The following MGAT4C variants were observed in gnomAD, a reference collection of about 807,000 sequenced individuals.
MGAT4C encodes MGAT4 family member C.
MGAT4C carries 19 observed loss-of-function variants against 40.1 expected under a neutral mutation model. The observed-to-expected ratio is 0.47, with a 90% CI of 0.33 to 0.70. MGAT4C has a LOEUF of 0.70. Among genes scored for constraint, MGAT4C ranks in the 30% least tolerant of loss-of-function variants. MGAT4C has a pLI of 0.02. For synonymous variants in MGAT4C, 181 were observed against 187.1 expected, an observed-to-expected ratio of 0.97 and a Z score of 0.27; for missense variants, 491 against 563.2, an observed-to-expected ratio of 0.87 and a Z score of 1.30.
At chr12:86,685,449 T>C (rs905078661) in intron 2 of MGAT4C, among the ~76,000 whole-genome samples, 1 of 152,208 alleles carries the variant, frequency 6.6e-6, no homozygotes. Context: ...CCTTGTAGTA[T>C]AGTTTGAAGT....
chr12:86,464,628 A>G (rs1045066292), intron 2 of MGAT4C, among the ~76,000 whole-genome samples: 3 of 152,130 alleles, frequency 2.0e-5, no homozygotes, highest in African/African-American at 7.2e-5. Flanking sequence ...AATTTACTTG[A>G]GTGCAATAAC....
intron 1 of MGAT4C, among the ~76,000 whole-genome samples, chr12:86,087,385 T>C (rs1488825947): frequency 1.3e-5 from 2 of 152,128 alleles, no homozygotes; most frequent in Non-Finnish European, 2.9e-5. Flanking sequence ...GTTCAATACA[T>C]TCTAATGCTT....
At chr12:86,024,009 TTAAC>T (rs149421349) in intron 2 of MGAT4C, among the ~76,000 whole-genome samples, 4,316 of 151,952 alleles carry the variant, frequency 0.028, 74 homozygotes, top group Middle Eastern at 0.048. Flanking sequence ...ATGTAAAACT[TTAAC>T]TATGAAAAAA....
At chr12:86,655,890 G>A (rs1963836434) in intron 2 of MGAT4C, among the ~76,000 whole-genome samples, 1 of 152,048 alleles carries the variant, frequency 6.6e-6, no homozygotes, top group Non-Finnish European at 1.5e-5. Flanking sequence ...GCTCACACGA[G>A]GAGGGTTGAA....
At position 86,781,176 on chromosome 12, in the gene MGAT4C, G is replaced by A. The variant is rs190282236; in HGVS notation, c.-261-53935C>T. Among the ~76,000 whole-genome samples, 7 of 152,226 alleles carry A rather than the reference G, an allele frequency of 4.6e-5. No homozygotes were observed. The East Asian group carries it at 1.4e-3, about 29-fold the overall frequency. On this transcript the variant is annotated intron_variant, in intron 1 of 7. Coordinates refer to the MGAT4C transcript ENST00000548651. ...TGATTTTACACTGGTTAGATTCCCA[G>A]TAGTGGGATTGCTGGATCAAATGGT...
chr12:86,102,514 T>A (rs1326384093), intron 1 of MGAT4C, among the ~76,000 whole-genome samples: 1 of 152,084 alleles, frequency 6.6e-6, no homozygotes, highest in African/African-American at 2.4e-5. Flanking sequence ...ATGAATGGAA[T>A]ATGGCACTAA....
At chr12:86,593,224 G>A (rs1032711871) in intron 2 of MGAT4C, among the ~76,000 whole-genome samples, 2 of 151,558 alleles carry the variant, frequency 1.3e-5, no homozygotes, top group Admixed American at 6.6e-5. Flanking sequence ...GAAGTTCAGA[G>A]CAATGTCCCT....
At chr12:86,044,387 A>T (rs557465811) in intron 2 of MGAT4C, among the ~76,000 whole-genome samples, 2 of 152,210 alleles carry the variant, frequency 1.3e-5, no homozygotes, top group East Asian at 3.9e-4. Context: ...GGTGGGTTAC[A>T]TGTTCATTGG....
chr12:86,385,078 G>T (rs749968266), intron 3 of MGAT4C, among the ~76,000 whole-genome samples: 4 of 152,268 alleles, frequency 2.6e-5, no homozygotes, highest in East Asian at 1.9e-4. Context: ...CTAAAAAAAT[G>T]ATTGAACTCA....
At chr12:86,084,076 C>A (rs1320554123) in intron 1 of MGAT4C, among the ~76,000 whole-genome samples, 1 of 152,010 alleles carries the variant, frequency 6.6e-6, no homozygotes, top group Non-Finnish European at 1.5e-5. Flanking sequence ...TATTTCTGAG[C>A]ATCAACTATT....
chr12:86,352,216 A>C (rs1955177823), intron 3 of MGAT4C, among the ~76,000 whole-genome samples: 1 of 152,112 alleles, frequency 6.6e-6, no homozygotes, highest in African/African-American at 2.4e-5. Flanking sequence ...ATAATGTCTT[A>C]TTTAACTTGA....
chr12:86,285,456 A>G (rs979364483), intron 4 of MGAT4C, among the ~76,000 whole-genome samples: 1 of 152,130 alleles, frequency 6.6e-6, no homozygotes, highest in African/African-American at 2.4e-5. Flanking sequence ...CAACATACAC[A>G]CAAAATGCAA....
chr12:86,455,949 C>G (rs1380913801), intron 2 of MGAT4C, among the ~76,000 whole-genome samples: 1 of 151,984 alleles, frequency 6.6e-6, no homozygotes, highest in East Asian at 1.9e-4. Context: ...ATTACTTGAA[C>G]TGATAAATCT....
rs902227296 is a variant in MGAT4C, at chr12:86,163,581, A to AT, written c.-57+92657dup. Among the ~76,000 whole-genome samples, 110 of 151,752 alleles carry AT rather than the reference A, an allele frequency of 7.2e-4. 1 individual carries two copies. Among genetic ancestry groups the AT allele is most frequent in the African/African-American group, 1.5e-3 (62 of 41,428 alleles). Reference sequence around the variant, plus strand: ...TGATCCTTTGACTAGAACATAACAGATTTTTTTTTGTTGAAGTATTGAATA... The same window carrying AT: ...TGATCCTTTGACTAGAACATAACAGATTTTTTTTTTGTTGAAGTATTGAATA... On this transcript the variant is annotated intron_variant, in intron 1 of 4. Coordinates refer to ENST00000611864, the MANE Select transcript of MGAT4C (RefSeq NM_001351288.2).
intron 2 of MGAT4C, among the ~76,000 whole-genome samples, chr12:86,036,928 T>G (rs892460049): frequency 6.7e-6 from 1 of 149,924 alleles, no homozygotes; most frequent in African/African-American, 2.4e-5. Flanking sequence ...GGTCCTGGAC[T>G]TTTTTTGGTT....
At chr12:86,594,343 T>C (rs1961448091) in intron 2 of MGAT4C, among the ~76,000 whole-genome samples, 1 of 152,120 alleles carries the variant, frequency 6.6e-6, no homozygotes, top group Admixed American at 6.6e-5. Flanking sequence ...AATTTTAGTA[T>C]ATTTAAAAAA....
chr12:86,820,294 T>G (rs1267373741), intron 1 of MGAT4C, among the ~76,000 whole-genome samples: 3 of 150,842 alleles, frequency 2.0e-5, no homozygotes, highest in Non-Finnish European at 4.5e-5. Context: ...ATGTCCACTA[T>G]GGGTTGGTGG....
intron 2 of MGAT4C, among the ~76,000 whole-genome samples, chr12:86,618,705 G>A (rs1415554306): frequency 6.6e-6 from 1 of 152,006 alleles, no homozygotes; most frequent in African/African-American, 2.4e-5. Flanking sequence ...GATAAAAAGA[G>A]GTAGATTAAT....
intron 4 of MGAT4C, among the ~76,000 whole-genome samples, chr12:86,293,622 T>G (rs1054447639): frequency 2.0e-5 from 3 of 152,186 alleles, no homozygotes; most frequent in Admixed American, 6.5e-5. Context: ...AACAATTGAG[T>G]CATTATGATA....
Sources: allele counts gnomAD v4.1 joint callset (sites outside exome capture counted in the v4.1 genomes callset), GRCh38; gene constraint gnomAD v4.1.1; transcripts MANE v1.5; gene names NCBI Gene and HGNC (gene_info 2026-07-23, HGNC 2026-07-21).